RHOD: variants seen among roughly 807,000 people sequenced by gnomAD.
RHOD encodes the protein ras homolog family member D, also known as rho-related GTP-binding protein RhoD.
In RHOD, 11 loss-of-function variants were observed where a neutral mutation model predicts 16.7. The observed-to-expected ratio is 0.66, with a 90% CI of 0.41 to 1.09. RHOD has a LOEUF of 1.09. RHOD is among the 50% of genes least tolerant of loss of function. The pLI is 0.00. For missense variants in RHOD, 271 were observed against 291.7 expected, an observed-to-expected ratio of 0.93 and a Z score of 0.52; for synonymous variants, 124 against 126.3, an observed-to-expected ratio of 0.98 and a Z score of 0.12.
intron 1 of RHOD, among the ~76,000 whole-genome samples, chr11:67,061,493 G>A (rs1228764281): frequency 1.3e-5 from 2 of 152,012 alleles, no homozygotes; most frequent in African/African-American, 4.8e-5. Context: ...TTAGCCGGGC[G>A]TGGTGGCACA....
chr11:67,061,145 A>G (rs1417156596), intron 1 of RHOD, among the ~76,000 whole-genome samples: 1 of 152,252 alleles, frequency 6.6e-6, no homozygotes, highest in Non-Finnish European at 1.5e-5. Flanking sequence ...CTTATGTGGC[A>G]GCAGGAGAGA....
chr11:67,059,491 C>T (rs900282779), intron 1 of RHOD, among the ~76,000 whole-genome samples: 5 of 151,904 alleles, frequency 3.3e-5, no homozygotes, highest in African/African-American at 4.8e-5. Flanking sequence ...TGCAGTGAAC[C>T]GAGATCGCGC....
intron 3 of RHOD, 46 bp from the exon 4 acceptor site, chr11:67,070,379 C>T (rs751127234): frequency 1.2e-6 from 2 of 1,605,196 alleles, no homozygotes; most frequent in African/African-American, 2.7e-5. Flanking sequence ...CCAGAACTCT[C>T]CAGGGCTCAC....
chr11:67,071,324 C>T (rs1341619822), intron 4 of RHOD, 111 bp from the exon 5 acceptor site: 30 of 1,032,418 alleles, frequency 2.9e-5, no homozygotes, highest in Non-Finnish European at 3.7e-5. Context: ...ATACGGGAGC[C>T]ATGGGTGCTC....
intron 2 of RHOD, 130 bp downstream of exon 2, chr11:67,066,113 A>G: frequency 1.3e-6 from 1 of 759,542 alleles, no homozygotes; most frequent in Non-Finnish European, 2.2e-6. Context: ...GTGGGCCAGG[A>G]GTGGGCCCAG....
At chr11:67,060,135 G>A (rs1854868081) in intron 1 of RHOD, among the ~76,000 whole-genome samples, 1 of 152,240 alleles carries the variant, frequency 6.6e-6, no homozygotes, top group Admixed American at 6.5e-5. Context: ...GGAGGTGGCA[G>A]GGAGCACCCG....
Position 67,070,481 on chromosome 11 carries a change from C to T in RHOD, c.387C>T (p.Cys129=), listed in dbSNP as rs376692815. The T allele has an allele frequency of 5.6e-6, 9 of 1,613,952 alleles. No individual in the cohort carries two copies. In the African/African-American group the frequency reaches 1.2e-4, roughly 22 times the overall value. ...CKKVPIIVVG[C]KTDLRKDKSL... The stretch of plus-strand genomic sequence containing the variant: ...AGGTACCCATCATCGTCGTGGGCTG[C>T]AAGACTGACCTGCGCAAGGACAAAT... The change falls in exon 4 of 5, where the codon TGC becomes TGT. Residue 129 remains cysteine, a synonymous_variant. Coordinates refer to ENST00000308831, the MANE Select transcript of RHOD (RefSeq NM_014578.4).
At position 67,071,533 on chromosome 11, in the gene RHOD, G is replaced by A. The variant is rs1324226570; in HGVS notation, c.564G>A (p.Glu188=). 3.1e-6 allele frequency: 5 copies of A among 1,611,966 alleles called. No homozygotes were observed. The African/African-American group carries it at 6.7e-5, about 22-fold the overall frequency. The change falls in exon 5 of 5, where the codon GAG becomes GAA. Residue 188 remains glutamate, a synonymous_variant. Coordinates refer to ENST00000308831, the MANE Select transcript of RHOD (RefSeq NM_014578.4). ...ACGCCGTCTTCCAGGAGGCCGCCGAGGTGGCCCTCAGCAGCCGCGGTCGCA... is the reference window on the plus strand; with the variant it reads ...ACGCCGTCTTCCAGGAGGCCGCCGAAGTGGCCCTCAGCAGCCGCGGTCGCA... ...NVHAVFQEAA[E]VALSSRGRNF...
chr11:67,065,749 G>T, intron 1 of RHOD, 147 bp from the exon 2 acceptor site: 2 of 589,924 alleles, frequency 3.4e-6, no homozygotes, highest in Non-Finnish European at 3.0e-6. Flanking sequence ...GCTCTAGGCC[G>T]CCACCCCAGG....
At position 67,071,628 on chromosome 11, in the gene RHOD, G is replaced by A. The variant is rs774597110; in HGVS notation, c.*26G>A. On this transcript the variant is annotated 3_prime_UTR_variant, in exon 5 of 5. Transcript: ENST00000308831. ...GCGGCTCGGGGCGTCCCAGCGACGC[G>A]GGAAGGGGCAGGGCGCTGACCTGCT... is the stretch of plus-strand genomic sequence containing the variant. 4 of 1,566,408 alleles carry A rather than the reference G, an allele frequency of 2.6e-6. No homozygotes were observed. Among genetic ancestry groups the A allele is most frequent in the East Asian group, 2.4e-5 (1 of 42,458 alleles).
chr11:67,063,017 C>A (rs1854910777), intron 1 of RHOD, among the ~76,000 whole-genome samples: 1 of 152,244 alleles, frequency 6.6e-6, no homozygotes, highest in Non-Finnish European at 1.5e-5. Context: ...TGAGCTCAGG[C>A]TGGGCAGGGC....
chr11:67,058,973 G>A (rs1206501492), intron 1 of RHOD, among the ~76,000 whole-genome samples: 2 of 152,212 alleles, frequency 1.3e-5, no homozygotes, highest in African/African-American at 4.8e-5. Flanking sequence ...CCCAGGGGAA[G>A]GCACCTGATG....
rs1322208987 is a variant in RHOD, at chr11:67,061,774, A to ATG, written c.133-4106_133-4105dup. 4.4e-3 allele frequency among the ~76,000 whole-genome samples: 605 copies of ATG among 136,432 alleles called. 4 individuals carry two copies. Among genetic ancestry groups the ATG allele is most frequent in the African/African-American group, 0.013 (468 of 35,910 alleles). The allele number at this position is 136,432 out of a possible 152,430, so 89.5% of individuals were successfully genotyped here. A position where few individuals can be genotyped will look rare whatever the true frequency, so the allele number is the denominator to read the frequency against. On this transcript the variant is annotated intron_variant, in intron 1 of 4. Transcript: ENST00000308831. ...AAAAAAAATATATATATATATATAT[A>ATG]TGTGTGTGTGTGTGTGTATATATAT...
intron 3 of RHOD, chr11:67,070,180 A>T: frequency 1.7e-6 from 1 of 573,366 alleles, no homozygotes; most frequent in Non-Finnish European, 3.3e-6. Context: ...TCTGTGCCTC[A>T]GTTACCGCAC....
Position 67,056,859 on chromosome 11 carries a change from T to C in RHOD, c.-44T>C. On this transcript the variant is annotated 5_prime_UTR_variant, in exon 1 of 5. Coordinates refer to ENST00000308831, the MANE Select transcript of RHOD (RefSeq NM_014578.4). ...GCCTGCCCCGCGCAGTCTGGGTCTC[T>C]GCGCCGCAGCCGCCCGCCCGCCCGC... 1.5e-6 allele frequency: 2 copies of C among 1,351,922 alleles called. No individual in the cohort carries two copies. Among genetic ancestry groups the C allele is most frequent in the Non-Finnish European group, 1.9e-6 (2 of 1,063,322 alleles). 83.7% of individuals were successfully genotyped at this position (1,351,922 alleles called of 1,614,324 possible).
chr11:67,057,197 T>A (rs1854823734), intron 1 of RHOD, among the ~76,000 whole-genome samples, 163 bp downstream of exon 1: 1 of 152,198 alleles, frequency 6.6e-6, no homozygotes, highest in African/African-American at 2.4e-5. Flanking sequence ...CCATTGGGAA[T>A]GAAGGCCTCA....
Position 67,070,520 on chromosome 11 carries a change from G to A in RHOD, c.426G>A (p.Lys142=), listed in dbSNP as rs1388279247. 2.5e-6 allele frequency: 4 copies of A among 1,614,122 alleles called. No individual in the cohort carries two copies. Among genetic ancestry groups the A allele is most frequent in the Non-Finnish European group, 3.4e-6 (4 of 1,180,022 alleles). Reference sequence around the variant, plus strand: ...GCAAGGACAAATCACTGGTGAACAAGCTCCGAAGAAACGGATTGGAGCCTG... The same window carrying A: ...GCAAGGACAAATCACTGGTGAACAAACTCCGAAGAAACGGATTGGAGCCTG... ...DLRKDKSLVN[K]LRRNGLEPVT... Residue 142 remains lysine (K), a synonymous_variant, in exon 4 of 5, where the codon AAG becomes AAA. Coordinates refer to ENST00000308831, the MANE Select transcript of RHOD (RefSeq NM_014578.4).
Position 67,071,479 on chromosome 11 carries a change from G to A in RHOD, c.510G>A (p.Glu170=). ...CCGTGGGCGCGGTGGCCTACCTCGAGTGCTCGGCTCGGCTCCATGACAACG... is the reference window on the plus strand; with the variant it reads ...CCGTGGGCGCGGTGGCCTACCTCGAATGCTCGGCTCGGCTCCATGACAACG... ...ARSVGAVAYL[E]CSARLHDNVH... The change falls in exon 5 of 5, where the codon GAG becomes GAA. Residue 170 remains glutamate (E), a synonymous_variant. Coordinates refer to ENST00000308831, the MANE Select transcript of RHOD (RefSeq NM_014578.4). 1 of 1,607,636 alleles carries A rather than the reference G, an allele frequency of 6.2e-7. No homozygotes were observed. Among genetic ancestry groups the A allele is most frequent in the Non-Finnish European group, 8.5e-7 (1 of 1,177,926 alleles).
At chr11:67,070,885 G>C (rs1303262329) in intron 4 of RHOD, among the ~76,000 whole-genome samples, 1 of 152,092 alleles carries the variant, frequency 6.6e-6, no homozygotes, top group Non-Finnish European at 1.5e-5. Context: ...GGGTTCATGG[G>C]AAGTTCATTT....
Sources: allele counts gnomAD v4.1 joint callset (sites outside exome capture counted in the v4.1 genomes callset), GRCh38; gene constraint gnomAD v4.1.1; transcripts MANE v1.5; gene names NCBI Gene and HGNC (gene_info 2026-07-23, HGNC 2026-07-21).